Variants in KRT86 observed in about 807,000 individuals in gnomAD.
KRT86 encodes keratin 86.
KRT86 carries 30 observed loss-of-function variants against 41.2 expected under a neutral mutation model. The ratio of observed to expected loss-of-function variants is 0.73; its 90% CI spans 0.54 to 0.99. The LOEUF is 0.99. Ranked by LOEUF, KRT86 falls within the 50% of genes least tolerant of loss-of-function variation. The pLI, the probability that KRT86 is intolerant of heterozygous loss-of-function variation, is 0.00. For synonymous variants in KRT86, 238 were observed against 238.1 expected, an observed-to-expected ratio of 1.00 and a Z score of 0.00; for missense variants, 561 against 571.4, an observed-to-expected ratio of 0.98 and a Z score of 0.19.
intron 2 of KRT86, among the ~76,000 whole-genome samples, chr12:52,293,796 G>T (rs1469906031): frequency 6.6e-6 from 1 of 152,140 alleles, no homozygotes; most frequent in South Asian, 2.1e-4. Context: ...AGCTCGTAAA[G>T]TACAGAGGTT....
intron 1 of KRT86, among the ~76,000 whole-genome samples, chr12:52,275,391 A>G (rs748743751): frequency 7.9e-5 from 12 of 152,188 alleles, no homozygotes; most frequent in Non-Finnish European, 1.6e-4. Flanking sequence ...CTAATCCTAG[A>G]TTTTAAAATG....
In KRT86 at chr12:52,288,065, G is replaced by A. The variant is rs146187254; in HGVS notation, c.-5+12119G>A. 5.2e-5 allele frequency: 84 copies of A among 1,614,212 alleles called. No homozygotes were observed. The African/African-American group carries it at 7.9e-4, about 15-fold the overall frequency. ...ACTGTGCCTTAATCTCGGCAATGATGCAGTCCATGTTCAGGTCCCGGCTGT... is the reference window on the plus strand; with the variant it reads ...ACTGTGCCTTAATCTCGGCAATGATACAGTCCATGTTCAGGTCCCGGCTGT... On this transcript the variant is annotated intron_variant, in intron 2 of 10. Coordinates refer to ENST00000423955, the MANE Select transcript of KRT86 (RefSeq NM_001320198.2).
intron 2 of KRT86, among the ~76,000 whole-genome samples, chr12:52,298,853 G>A (rs948236819): frequency 6.6e-6 from 1 of 151,824 alleles, no homozygotes; most frequent in Non-Finnish European, 1.5e-5. Flanking sequence ...ACATGTTTAT[G>A]GGCTACATAA....
At chr12:52,306,558 G>A in intron 9 of KRT86, 1 of 572,082 alleles carries the variant, frequency 1.7e-6, no homozygotes, top group Admixed American at 3.1e-5. Flanking sequence ...TTAAGGCTTG[G>A]GGTCAGCTTG....
At chr12:52,287,379 A>T in intron 2 of KRT86, 1 of 1,604,006 alleles carries the variant, frequency 6.2e-7, no homozygotes, top group South Asian at 1.1e-5. Flanking sequence ...TCTGATGCTC[A>T]TCCAAATGAG....
rs893283490 is a variant in KRT86 at position 52,305,891 on chromosome 12, C to T, written c.1026+103C>T. 3.1e-5 allele frequency: 49 copies of T among 1,604,644 alleles called. No homozygotes were observed. The Admixed American group carries it at 6.9e-4, about 23-fold the overall frequency. On this transcript the variant is annotated intron_variant, in intron 8 of 10. Transcript: ENST00000423955. ...GATCTCAGCATTCATTCTCCAGCCC[C>T]TCTGTCCATGTAGAGTCCCTGGTTG... is the stretch of plus-strand genomic sequence containing the variant.
chr12:52,306,348 C>G (rs768490895), intron 9 of KRT86, 68 bp downstream of exon 9: 2 of 1,607,514 alleles, frequency 1.2e-6, no homozygotes, highest in African/African-American at 1.3e-5. Context: ...TCCTCACACT[C>G]CTGGCAGCAT....
chr12:52,301,995 A>G lies in KRT86; in HGVS notation c.79A>G (p.Ile27Val). 1 of 1,612,812 alleles carries G rather than the reference A, an allele frequency of 6.2e-7. No homozygotes were observed. The highest frequency in any genetic ancestry group is 8.5e-7 in the Non-Finnish European group (1 of 1,179,456). The change falls in exon 3 of 11, where the codon ATC becomes GTC. Residue 27 changes from isoleucine to valine, a missense_variant. By Grantham distance (29) the Ile-to-Val change is conservative. Around this residue, in one of 3 missense-constraint regions of KRT86, gnomAD observed 164 missense variants for 172.5 expected, o/e 0.95. Coordinates refer to ENST00000423955, the MANE Select transcript of KRT86 (RefSeq NM_001320198.2). ...ACGPRPGRCCITAAPYRGISC... is the reference protein window; with the variant it reads ...ACGPRPGRCCVTAAPYRGISC... Reference sequence around the variant, plus strand: ...CGGGCCCCGGCCCGGCCGCTGCTGCATCACCGCCGCCCCCTACCGTGGCAT... The same window carrying G: ...CGGGCCCCGGCCCGGCCGCTGCTGCGTCACCGCCGCCCCCTACCGTGGCAT...
intron 2 of KRT86, 185 bp from the exon 3 acceptor site, chr12:52,301,728 G>A (rs1043651832): frequency 7.3e-6 from 8 of 1,091,794 alleles, no homozygotes; most frequent in Non-Finnish European, 6.6e-6. Context: ...ATTAAGTGGG[G>A]AGCGACAGCA....
In KRT86 at chr12:52,282,945, C is replaced by T. The variant is rs1937810136; in HGVS notation, c.-5+6999C>T. ...CACAGGTGCCTGGAATGTGCATGTA[C>T]CTGGATGCAATCATATTGCTCCACT... On this transcript the variant is annotated intron_variant, in intron 2 of 10. Coordinates refer to ENST00000423955, the MANE Select transcript of KRT86 (RefSeq NM_001320198.2). 2.6e-5 allele frequency among the ~76,000 whole-genome samples: 4 copies of T among 152,246 alleles called. No homozygotes were observed. In the South Asian group the frequency reaches 8.3e-4, roughly 32 times the overall value.
intron 2 of KRT86, among the ~76,000 whole-genome samples, chr12:52,297,235 T>A (rs954215048): frequency 2.0e-5 from 3 of 152,220 alleles, no homozygotes; most frequent in African/African-American, 7.2e-5. Context: ...GAAAGGACAC[T>A]GTCAGCAGTC....
chr12:52,283,597 G>A (rs566634842), intron 2 of KRT86, among the ~76,000 whole-genome samples: 47 of 147,230 alleles, frequency 3.2e-4, no homozygotes, highest in African/African-American at 1.1e-3. Context: ...TCCTGTCTCA[G>A]CCTCCCAAGT....
At chr12:52,287,182 G>T in intron 2 of KRT86, 2 of 1,613,770 alleles carry the variant, frequency 1.2e-6, no homozygotes, top group Non-Finnish European at 1.7e-6. Flanking sequence ...TCACCTCCTG[G>T]TACTCCCTGA....
At position 52,288,791 on chromosome 12, in the gene KRT86, G is replaced by A. The variant is rs1204604083; in HGVS notation, c.-5+12845G>A. Among the ~76,000 whole-genome samples, 7 of 152,024 alleles carry A rather than the reference G, an allele frequency of 4.6e-5. No individual in the cohort carries two copies. In the South Asian group the frequency reaches 6.3e-4, roughly 14 times the overall value. The stretch of plus-strand genomic sequence containing the variant: ...TTCCTGTCCCCCACAAGTGCTCCAA[G>A]AGCCCAGTGGCTGCTCCTGGTTCTT... On this transcript the variant is annotated intron_variant, in intron 2 of 10. Coordinates refer to ENST00000423955, the MANE Select transcript of KRT86 (RefSeq NM_001320198.2).
At chr12:52,280,944 TCA>T (rs1209598234) in intron 2 of KRT86, among the ~76,000 whole-genome samples, 2 of 152,196 alleles carry the variant, frequency 1.3e-5, no homozygotes, top group Non-Finnish European at 2.9e-5. Context: ...GGACTGTTGC[TCA>T]CATTTTCCCT....
chr12:52,291,698 T>C (rs1349403328), intron 2 of KRT86, among the ~76,000 whole-genome samples: 1 of 142,982 alleles, frequency 7.0e-6, no homozygotes, highest in Non-Finnish European at 1.5e-5. Flanking sequence ...ACCCTCTTCT[T>C]TGTAAAAGAT....
At chr12:52,292,972 G>A (rs1325032877) in intron 2 of KRT86, among the ~76,000 whole-genome samples, 3 of 152,136 alleles carry the variant, frequency 2.0e-5, no homozygotes, top group Admixed American at 2.0e-4. Context: ...GACCAGAGAT[G>A]GTGAAACCCC....
Position 52,274,721 on chromosome 12 carries a change from T to G in KRT86, c.-132T>G. The G allele has an allele frequency of 1.0e-6, 1 of 985,438 alleles. No homozygotes were observed. The highest frequency in any genetic ancestry group is 5.2e-4 in the Middle Eastern group (1 of 1,912). 61.0% of individuals were successfully genotyped at this position (985,438 alleles called of 1,614,324 possible). A position where few individuals can be genotyped will look rare whatever the true frequency, so the allele number is the denominator to read the frequency against. ...GGAGGAGACCACAGTTCTTTCTCCA[T>G]GGTGAGACTCATACACGTGGCTCCC... On this transcript the variant is annotated splice_region_variant and 5_prime_UTR_variant, in exon 1 of 11. The change abolishes an upstream ATG in the 5' untranslated region. Coordinates refer to ENST00000423955, the MANE Select transcript of KRT86 (RefSeq NM_001320198.2).
intron 2 of KRT86, among the ~76,000 whole-genome samples, chr12:52,284,722 G>A (rs1937870595): frequency 6.6e-6 from 1 of 152,198 alleles, no homozygotes; most frequent in Non-Finnish European, 1.5e-5. Flanking sequence ...GTAGGGGTGG[G>A]GGACTCCCAT....
Sources: gnomAD v4.1 joint callset for allele counts (sites outside exome capture counted in the v4.1 genomes callset) on GRCh38, gnomAD v4.1.1 for gene constraint, gnomAD v4.1.1 regional missense constraint, MANE v1.5 for transcripts, NCBI Gene and HGNC (gene_info 2026-07-23, HGNC 2026-07-21) for gene names.